CSTPP1: variants seen among roughly 807,000 people sequenced by gnomAD.
CSTPP1 encodes the protein UPF0705 protein C11orf49.
the CSTPP1 span, among the ~76,000 whole-genome samples, chr11:47,003,862 T>C: frequency 6.6e-6 from 1 of 152,188 alleles, no homozygotes; most frequent in Admixed American, 6.5e-5. Flanking sequence ...ACAAATGTCT[T>C]TGTTGATGTC....
At chr11:46,939,676 G>GATAGATAGA in the CSTPP1 span, among the ~76,000 whole-genome samples, 91 of 98,012 alleles carry the variant, frequency 9.3e-4, no homozygotes, top group East Asian at 1.6e-3. Flanking sequence ...AGATAGATAG[G>GATAGATAGA]TAGATGTTTT....
At chr11:47,112,749 A>G in the CSTPP1 span, among the ~76,000 whole-genome samples, 1 of 152,234 alleles carries the variant, frequency 6.6e-6, no homozygotes, top group Non-Finnish European at 1.5e-5. Context: ...CATGTGACAC[A>G]TAATAGATGC....
At chr11:47,014,228 AAAG>A in the CSTPP1 span, among the ~76,000 whole-genome samples, 1 of 151,522 alleles carries the variant, frequency 6.6e-6, no homozygotes, top group African/African-American at 2.4e-5. Flanking sequence ...AAGGAAAAAG[AAAG>A]AAGGAAGGAA....
At chr11:47,064,916 G>A in the CSTPP1 span, among the ~76,000 whole-genome samples, 2 of 152,026 alleles carry the variant, frequency 1.3e-5, no homozygotes, top group African/African-American at 4.8e-5. Flanking sequence ...GCTAATTTTT[G>A]TATTTTTAGT....
chr11:47,034,900 T>G, the CSTPP1 span, among the ~76,000 whole-genome samples: 1 of 152,186 alleles, frequency 6.6e-6, no homozygotes, highest in African/African-American at 2.4e-5. Context: ...AGCCAAAACT[T>G]TTTCTAAAAT....
At chr11:47,073,231 A>G in the CSTPP1 span, among the ~76,000 whole-genome samples, 41 of 152,336 alleles carry the variant, frequency 2.7e-4, no homozygotes, top group African/African-American at 9.4e-4. Flanking sequence ...AGATATAGGA[A>G]AGAAGGCTGT....
the CSTPP1 span, among the ~76,000 whole-genome samples, chr11:47,143,532 A>G: frequency 6.6e-6 from 1 of 152,244 alleles, no homozygotes; most frequent in Non-Finnish European, 1.5e-5. Flanking sequence ...TACAAGCATC[A>G]TGGCCAGGCC....
the CSTPP1 span, among the ~76,000 whole-genome samples, chr11:47,084,279 A>G: frequency 5.3e-4 from 80 of 152,320 alleles, no homozygotes; most frequent in African/African-American, 1.9e-3. Flanking sequence ...ATCCAGTGGT[A>G]GGAGTTCTTT....
chr11:46,984,341 A>G, the CSTPP1 span, among the ~76,000 whole-genome samples: 1 of 152,202 alleles, frequency 6.6e-6, no homozygotes, highest in Non-Finnish European at 1.5e-5. Flanking sequence ...TCTAAGAATA[A>G]CTATTATAGG....
the CSTPP1 span, among the ~76,000 whole-genome samples, chr11:47,069,856 G>C: frequency 1.3e-5 from 2 of 152,056 alleles, no homozygotes; most frequent in Admixed American, 1.3e-4. Flanking sequence ...TGGGATTACC[G>C]GCATGTGCCA....
At chr11:47,160,424 G>C in the CSTPP1 span, 1 of 152,284 alleles carries the variant, frequency 6.6e-6, no homozygotes, top group African/African-American at 2.4e-5. Flanking sequence ...TGCATCTCCA[G>C]CGTATGAAAT....
the CSTPP1 span, among the ~76,000 whole-genome samples, chr11:47,088,757 G>T: frequency 6.6e-6 from 1 of 151,976 alleles, no homozygotes; most frequent in Admixed American, 6.6e-5. Flanking sequence ...TATTGTCCAG[G>T]CTGGTCTCGA....
At chr11:46,977,404 C>G in the CSTPP1 span, among the ~76,000 whole-genome samples, 5 of 152,190 alleles carry the variant, frequency 3.3e-5, no homozygotes, top group Non-Finnish European at 7.3e-5. Context: ...TTTAAAAGAC[C>G]TGCTGACTCC....
At chr11:47,039,373 C>T in the CSTPP1 span, among the ~76,000 whole-genome samples, 7 of 127,542 alleles carry the variant, frequency 5.5e-5, no homozygotes, top group African/African-American at 1.7e-4. Context: ...CGTGGCGGCG[C>T]GCGCCCAGGC....
the CSTPP1 span, among the ~76,000 whole-genome samples, chr11:47,024,093 A>G: frequency 6.6e-6 from 1 of 150,642 alleles, no homozygotes; most frequent in Non-Finnish European, 1.5e-5. Flanking sequence ...TCACTTTGTT[A>G]CCCAGGCTGG....
At chr11:47,161,282 G>A in the CSTPP1 span, 267 of 1,606,998 alleles carry the variant, frequency 1.7e-4, 1 homozygote, top group East Asian at 5.4e-3. Context: ...CCACTTGTCT[G>A]TAACATCCCA....
At chr11:46,980,134 A>G in the CSTPP1 span, among the ~76,000 whole-genome samples, 3 of 152,182 alleles carry the variant, frequency 2.0e-5, no homozygotes, top group Non-Finnish European at 4.4e-5. Flanking sequence ...GGGAGGATTA[A>G]TGGTTGACCA....
chr11:47,060,667 G>A, the CSTPP1 span, among the ~76,000 whole-genome samples: 1 of 152,128 alleles, frequency 6.6e-6, no homozygotes, highest in Non-Finnish European at 1.5e-5. Flanking sequence ...GGTTGGGGGT[G>A]AGGGATAAAG....
the CSTPP1 span, among the ~76,000 whole-genome samples, chr11:47,096,636 T>C: frequency 6.6e-6 from 1 of 152,254 alleles, no homozygotes; most frequent in South Asian, 2.1e-4. Context: ...CCTTTTATTC[T>C]AATTGTTTTT....
Sources: allele counts gnomAD v4.1 joint callset (sites outside exome capture counted in the v4.1 genomes callset), GRCh38; gene constraint gnomAD v4.1.1; transcripts MANE v1.5; gene names NCBI Gene and HGNC (gene_info 2026-07-23, HGNC 2026-07-21).